Variants in IQGAP2 observed in about 807,000 individuals in gnomAD.
IQGAP2 encodes the protein ras GTPase-activating-like protein IQGAP2.
Under a neutral mutation model 201.3 loss-of-function variants are expected in IQGAP2, and 173 were observed. The observed-to-expected ratio is 0.86, with a 90% confidence interval of 0.76 to 0.98. The LOEUF is 0.98. IQGAP2 is among the 50% of genes least tolerant of loss of function. The probability of loss-of-function intolerance (pLI) is 0.00; values close to 1 mark genes in which losing one functional copy is unlikely to be tolerated. For synonymous variants in IQGAP2, 675 were observed against 673.9 expected, an observed-to-expected ratio of 1.00 and a Z score of -0.03; for missense variants, 1,687 against 1,864.8, an observed-to-expected ratio of 0.90 and a Z score of 1.76.
intron 1 of IQGAP2, among the ~76,000 whole-genome samples, chr5:76,440,069 T>G (rs146609712): frequency 6.6e-6 from 1 of 152,346 alleles, no homozygotes; most frequent in Non-Finnish European, 1.5e-5. Flanking sequence ...CACTCAGCAT[T>G]TGCTTGTCTG....
At chr5:76,572,914 G>C (rs1214922777) in intron 4 of IQGAP2, among the ~76,000 whole-genome samples, 1 of 152,140 alleles carries the variant, frequency 6.6e-6, no homozygotes, top group Non-Finnish European at 1.5e-5. Context: ...ATATAATTGT[G>C]CTCATATCTG....
intron 2 of IQGAP2, among the ~76,000 whole-genome samples, chr5:76,471,260 G>T (rs1471329903): frequency 1.3e-5 from 2 of 149,606 alleles, no homozygotes; most frequent in Non-Finnish European, 2.9e-5. Context: ...GTCTCCCAAG[G>T]AAAGTTCCTG....
At chr5:76,547,125 T>C (rs1000146761) in intron 2 of IQGAP2, among the ~76,000 whole-genome samples, 4 of 152,168 alleles carry the variant, frequency 2.6e-5, no homozygotes, top group Admixed American at 6.5e-5. Flanking sequence ...TGCTATTACT[T>C]CACACTACCT....
intron 10 of IQGAP2, 91 bp downstream of exon 10, chr5:76,597,693 C>T (rs924541859): frequency 4.5e-6 from 6 of 1,340,646 alleles, no homozygotes; most frequent in African/African-American, 4.4e-5. Flanking sequence ...GAATAGGGAT[C>T]GGGGATCTCT....
chr5:76,637,729 T>G (rs1397477707), intron 16 of IQGAP2, among the ~76,000 whole-genome samples: 1 of 152,252 alleles, frequency 6.6e-6, no homozygotes, highest in Non-Finnish European at 1.5e-5. Context: ...CATCTTAGCA[T>G]GTTTTCATTG....
chr5:76,645,566 A>G lies in IQGAP2; in HGVS notation c.2094+4463A>G, dbSNP rs149163996. 1.5e-4 allele frequency among the ~76,000 whole-genome samples: 23 copies of G among 152,270 alleles called. No homozygotes were observed. In the East Asian group the frequency reaches 3.7e-3, roughly 24 times the overall value. On this transcript the variant is annotated intron_variant, in intron 17 of 35. Transcript: ENST00000274364. ...TCCAACTGGCGTGAGATGGTATCTC[A>G]TTGTGATTTTGATTTGTATTTCTCT... is the stretch of plus-strand genomic sequence containing the variant.
chr5:76,495,262 C>T (rs760272896), intron 2 of IQGAP2, among the ~76,000 whole-genome samples: 1 of 152,216 alleles, frequency 6.6e-6, no homozygotes. Context: ...AGAGCACAAA[C>T]GGTCTGCTCT....
intron 15 of IQGAP2, among the ~76,000 whole-genome samples, chr5:76,634,799 G>A (rs556519309): frequency 2.2e-4 from 33 of 152,244 alleles, no homozygotes; most frequent in African/African-American, 7.0e-4. Flanking sequence ...TCAGTTTAAC[G>A]CTTCTATATG....
At chr5:76,469,933 C>T (rs896231311) in intron 2 of IQGAP2, among the ~76,000 whole-genome samples, 4 of 152,116 alleles carry the variant, frequency 2.6e-5, no homozygotes, top group African/African-American at 9.7e-5. Context: ...TAGCTTAAAA[C>T]AATAAACATT....
chr5:76,415,893 C>T (rs1388990169), intron 1 of IQGAP2, among the ~76,000 whole-genome samples: 5 of 149,858 alleles, frequency 3.3e-5, no homozygotes, highest in South Asian at 2.1e-4. Flanking sequence ...TGCAGTGAGC[C>T]GAGATCATGC....
intron 1 of IQGAP2, among the ~76,000 whole-genome samples, chr5:76,439,623 CTGT>C (rs908079461): frequency 5.3e-5 from 8 of 150,758 alleles, no homozygotes; most frequent in African/African-American, 1.2e-4. Context: ...TTCTTTTTTA[CTGT>C]TGTTGTTTTA....
intron 1 of IQGAP2, among the ~76,000 whole-genome samples, chr5:76,433,440 ATTC>A (rs1752485733): frequency 6.6e-6 from 1 of 152,178 alleles, no homozygotes; most frequent in Admixed American, 6.5e-5. Context: ...TTGCAGCTAA[ATTC>A]TTGCTGAATT....
chr5:76,452,223 T>C (rs1753803409), intron 1 of IQGAP2, among the ~76,000 whole-genome samples: 1 of 150,702 alleles, frequency 6.6e-6, no homozygotes, highest in African/African-American at 2.4e-5. Flanking sequence ...CCCTTGTTTT[T>C]TTCTTTTCTT....
chr5:76,640,572 G>A (rs995683521), intron 16 of IQGAP2, among the ~76,000 whole-genome samples: 1 of 152,130 alleles, frequency 6.6e-6, no homozygotes, highest in Non-Finnish European at 1.5e-5. Flanking sequence ...TTGGCAGTCC[G>A]AGGGAAGCGG....
chr5:76,404,454 T>C, intron 1 of IQGAP2: 1 of 985,426 alleles, frequency 1.0e-6, no homozygotes, highest in Non-Finnish European at 1.2e-6. Flanking sequence ...CTGCTGTCTC[T>C]CCAAGGTGGC....
intron 27 of IQGAP2, 81 bp downstream of exon 27, chr5:76,674,790 TG>T: frequency 5.7e-6 from 6 of 1,048,286 alleles, no homozygotes; most frequent in Non-Finnish European, 8.7e-6. Flanking sequence ...AGAGCTAGAG[TG>T]GGCATGGAGG....
intron 2 of IQGAP2, among the ~76,000 whole-genome samples, chr5:76,470,487 C>T (rs1006359690): frequency 3.3e-5 from 5 of 152,280 alleles, no homozygotes; most frequent in Middle Eastern, 3.4e-3. Flanking sequence ...ATTTTTGTTA[C>T]TATTAGAAAC....
At chr5:76,557,057 GACA>G (rs1225373790) in intron 2 of IQGAP2, among the ~76,000 whole-genome samples, 8 of 152,186 alleles carry the variant, frequency 5.3e-5, no homozygotes, top group Admixed American at 3.3e-4. Flanking sequence ...CTGAAACAGT[GACA>G]ACATCTATGT....
rs548486048 is a variant in IQGAP2, at chr5:76,564,822, G to A, written c.303+2270G>A. On this transcript the variant is annotated intron_variant, in intron 3 of 35. Coordinates refer to ENST00000274364, the MANE Select transcript of IQGAP2 (RefSeq NM_006633.5). The stretch of plus-strand genomic sequence containing the variant: ...CCCTGGAAGGCCGGGTGGCACAGAG[G>A]TGATGCTGGGAGAGGAGCAGGAAGG... 9.8e-5 allele frequency among the ~76,000 whole-genome samples: 15 copies of A among 152,330 alleles called. No individual in the cohort carries two copies. In the South Asian group the frequency reaches 3.1e-3, roughly 32 times the overall value.
Sources: allele counts gnomAD v4.1 joint callset (sites outside exome capture counted in the v4.1 genomes callset), GRCh38; gene constraint gnomAD v4.1.1; transcripts MANE v1.5; gene names NCBI Gene and HGNC (gene_info 2026-07-23, HGNC 2026-07-21).